Variants in CRACDL observed in about 807,000 individuals in gnomAD.
CRACDL encodes CRACD like.
CRACDL carries 26 observed loss-of-function variants against 70.6 expected under a neutral mutation model. That is an observed-to-expected ratio of 0.37 (90% CI 0.27 to 0.51). The LOEUF (loss-of-function observed/expected upper bound fraction) is 0.51, where lower values mean the gene tolerates loss of function less well. Among genes scored for constraint, CRACDL ranks in the 20% least tolerant of loss-of-function variants. The probability of loss-of-function intolerance (pLI) is 0.94; values close to 1 mark genes in which losing one functional copy is unlikely to be tolerated. For synonymous variants in CRACDL, 618 were observed against 615.2 expected (o/e 1.00, Z -0.07); for missense variants, 1,283 against 1,376.9 (o/e 0.93, Z 1.08).
chr2:98,899,667 G>A (rs1462852306), intron 1 of CRACDL, among the ~76,000 whole-genome samples: 2 of 152,258 alleles, frequency 1.3e-5, no homozygotes, highest in Non-Finnish European at 2.9e-5. Context: ...GAGGAAATGA[G>A]AGAAAAGGGC....
chr2:98,833,778 A>T (rs1705650502), intron 3 of CRACDL, among the ~76,000 whole-genome samples: 1 of 152,182 alleles, frequency 6.6e-6, no homozygotes, highest in Non-Finnish European at 1.5e-5. Context: ...GATGACTGAG[A>T]TCTGATGATG....
chr2:98,906,308 C>G (rs13025913), intron 1 of CRACDL, among the ~76,000 whole-genome samples: 70,424 of 148,296 alleles, frequency 0.47, 17,360 homozygotes, highest in Admixed American at 0.62. Context: ...TGTCATCAGG[C>G]TGGAGTGCAG....
intron 2 of CRACDL, among the ~76,000 whole-genome samples, chr2:98,840,207 T>C (rs916660268): frequency 4.6e-5 from 7 of 152,226 alleles, no homozygotes; most frequent in Non-Finnish European, 1.0e-4. Context: ...AGTATTTTCA[T>C]TATTGTTTGG....
intron 1 of CRACDL, among the ~76,000 whole-genome samples, chr2:98,900,148 C>T (rs375861385): frequency 7.8e-6 from 1 of 127,878 alleles, no homozygotes; most frequent in Non-Finnish European, 1.6e-5. Flanking sequence ...GGGACAGAGG[C>T]TCAGTGGGAA....
intron 1 of CRACDL, among the ~76,000 whole-genome samples, chr2:98,876,482 T>C (rs550742655): frequency 6.6e-6 from 1 of 152,244 alleles, no homozygotes; most frequent in East Asian, 1.9e-4. Flanking sequence ...GGCATTAGAT[T>C]CTCATAGGAG....
chr2:98,840,065 A>AT (rs1236590814), intron 2 of CRACDL, among the ~76,000 whole-genome samples: 2 of 151,800 alleles, frequency 1.3e-5, no homozygotes. Flanking sequence ...TTACTTTGCT[A>AT]TTTTCTTAAA....
At position 98,822,699 on chromosome 2, in the gene CRACDL, G is replaced by A; in HGVS notation, c.1574C>T (p.Pro525Leu). The change falls in exon 7 of 10, where the codon CCC becomes CTC. Residue 525 changes from proline (P) to leucine (L), a missense_variant. By Grantham distance (98) the Pro-to-Leu change is moderately conservative. Coordinates refer to ENST00000397899, the MANE Select transcript of CRACDL (RefSeq NM_207362.3). This position sits in a 1 kb window ranked among gnomAD's most constrained non-coding sequence, Gnocchi z 4.9. ...LAAAESPPVE[P>L]GPGSLDAEAA... ...CTCTGCGTCGAGGGAACCGGGGCCG[G>A]GCTCCACCGGGGGAGACTCCGCAGC... 1 of 1,266,566 alleles carries A rather than the reference G, an allele frequency of 7.9e-7. No individual in the cohort carries two copies. The highest frequency in any genetic ancestry group is 9.9e-7 in the Non-Finnish European group (1 of 1,009,612). The allele number at this position is 1,266,566 out of a possible 1,614,324, so 78.5% of individuals were successfully genotyped here. A position where few individuals can be genotyped will look rare whatever the true frequency, so the allele number is the denominator to read the frequency against.
At chr2:98,846,888 G>A in intron 1 of CRACDL, 78 bp from the exon 2 acceptor site, 1 of 1,214,094 alleles carries the variant, frequency 8.2e-7, no homozygotes, top group Admixed American at 1.7e-5. Flanking sequence ...GTTCGTGACT[G>A]CATTTGCCAT....
At position 98,821,839 on chromosome 2, in the gene CRACDL, C is replaced by G; in HGVS notation, c.2416+18G>C. On this transcript the variant is annotated intron_variant, in intron 7 of 9. Transcript: ENST00000397899. Reference sequence around the variant, plus strand: ...CTCCCCAGGCCCTGCCCTTCCCGCACCCTCGGCGGGCTCTTACCAGCTCCC... The same window carrying G: ...CTCCCCAGGCCCTGCCCTTCCCGCAGCCTCGGCGGGCTCTTACCAGCTCCC... 2 of 1,605,974 alleles carry G rather than the reference C, an allele frequency of 1.2e-6. No homozygotes were observed. The highest frequency in any genetic ancestry group is 1.7e-6 in the Non-Finnish European group (2 of 1,178,416).
At position 98,827,148 on chromosome 2, in the gene CRACDL, G is replaced by A; in HGVS notation, c.562C>T (p.His188Tyr). The A allele has an allele frequency of 6.2e-7, 1 of 1,613,946 alleles. No individual in the cohort carries two copies. Among genetic ancestry groups the A allele is most frequent in the Admixed American group, 1.7e-5 (1 of 60,008 alleles). Residue 188 changes from histidine to tyrosine, a missense_variant, in exon 6 of 10, where the codon CAC (histidine) becomes TAC (tyrosine). Around this residue, in one of 2 missense-constraint regions of CRACDL, gnomAD observed 362 missense variants for 495.0 expected, o/e 0.73. Coordinates refer to ENST00000397899, the MANE Select transcript of CRACDL (RefSeq NM_207362.3). ...TIKVSVVSPDHVSDSTVSARI... is the reference protein window; with the variant it reads ...TIKVSVVSPDYVSDSTVSARI... ...GCAGAGACGGTGCTGTCGCTCACGT[G>A]GTCTGGAGACACGACAGAGACCTTC... is the stretch of plus-strand genomic sequence containing the variant.
At chr2:98,876,342 G>A (rs1212985174) in intron 1 of CRACDL, among the ~76,000 whole-genome samples, 1 of 152,076 alleles carries the variant, frequency 6.6e-6, no homozygotes, top group East Asian at 1.9e-4. Flanking sequence ...TAGAGTGGGG[G>A]TCCCCAACCC....
At chr2:98,900,200 G>A (rs1364890822) in intron 1 of CRACDL, among the ~76,000 whole-genome samples, 4 of 137,812 alleles carry the variant, frequency 2.9e-5, no homozygotes, top group Non-Finnish European at 3.1e-5. Flanking sequence ...GGGGAGGCAG[G>A]GGGACAGAGG....
intron 1 of CRACDL, among the ~76,000 whole-genome samples, chr2:98,867,822 C>T (rs539021906): frequency 4.6e-5 from 7 of 152,314 alleles, no homozygotes; most frequent in African/African-American, 1.7e-4. Flanking sequence ...TTATTTTTAA[C>T]TTCATGAGTT....
intron 1 of CRACDL, among the ~76,000 whole-genome samples, chr2:98,932,951 C>T (rs551487558): frequency 2.6e-5 from 4 of 152,308 alleles, no homozygotes; most frequent in African/African-American, 9.6e-5. Context: ...GTGCACCCCA[C>T]CTGGAGGAGC....
chr2:98,846,667 G>T, intron 2 of CRACDL, 64 bp downstream of exon 2: 1 of 1,375,756 alleles, frequency 7.3e-7, no homozygotes, highest in Non-Finnish European at 1.0e-6. Flanking sequence ...GCCTCTGTCA[G>T]TCCCTCTCCC....
chr2:98,910,421 T>C (rs1183213354), intron 1 of CRACDL, among the ~76,000 whole-genome samples: 1 of 151,928 alleles, frequency 6.6e-6, no homozygotes, highest in Non-Finnish European at 1.5e-5. Flanking sequence ...CTTGGGAGGC[T>C]GAAGCAGGAG....
intron 5 of CRACDL, among the ~76,000 whole-genome samples, chr2:98,830,738 G>C (rs936990178): frequency 1.3e-5 from 2 of 152,134 alleles, no homozygotes; most frequent in Non-Finnish European, 2.9e-5. Context: ...GATAAAGTCA[G>C]GCTGGCCCAG....
rs1173322192 is a variant in CRACDL, at chr2:98,866,475, C to CTTTTTTT, written c.-10-19672_-10-19666dup. Among the ~76,000 whole-genome samples the CTTTTTTT allele has an allele frequency of 8.1e-3, 351 of 43,220 alleles. 27 individuals carry two copies. The highest frequency in any genetic ancestry group is 0.022 in the Admixed American group (67 of 3,050). The allele number at this position is 43,220 out of a possible 152,430, so 28.4% of individuals were successfully genotyped here. ...CTGATAGATGAAACAATCACTTCTT[C>CTTTTTTT]TTTTTTTTTTTTTTTTTTTTTTTTT... On this transcript the variant is annotated intron_variant, in intron 1 of 9. Coordinates refer to ENST00000397899, the MANE Select transcript of CRACDL (RefSeq NM_207362.3).
intron 1 of CRACDL, among the ~76,000 whole-genome samples, chr2:98,875,853 G>A (rs1707476428): frequency 1.3e-5 from 2 of 152,226 alleles, no homozygotes; most frequent in African/African-American, 4.8e-5. Flanking sequence ...CCCCTGGTAG[G>A]CTGGCACTTT....
Sources: gnomAD v4.1 joint callset for allele counts (sites outside exome capture counted in the v4.1 genomes callset) on GRCh38, gnomAD v4.1.1 for gene constraint, gnomAD v4.1.1 regional missense constraint, Gnocchi (gnomAD v3.1) non-coding constraint, MANE v1.5 for transcripts, NCBI Gene and HGNC (gene_info 2026-07-23, HGNC 2026-07-21) for gene names.